Variants in DCAF6 observed in about 807,000 individuals in gnomAD.
DCAF6 encodes DDB1- and CUL4-associated factor 6.
A neutral mutation model predicts 125.1 loss-of-function variants in DCAF6; 54 were observed. The observed-to-expected ratio is 0.43, with a 90% CI of 0.35 to 0.54. The LOEUF (loss-of-function observed/expected upper bound fraction) is 0.54, where lower values mean the gene tolerates loss of function less well. DCAF6 is among the 20% of genes least tolerant of loss of function. The probability of loss-of-function intolerance (pLI) is 0.01; values close to 1 mark genes in which losing one functional copy is unlikely to be tolerated. For missense variants in DCAF6, 934 were observed against 1,161.7 expected, an observed-to-expected ratio of 0.80 and a Z score of 2.85; for synonymous variants, 371 against 390.4, an observed-to-expected ratio of 0.95 and a Z score of 0.58.
At chr1:168,063,537 A>G (rs375591797) in intron 17 of DCAF6, 84 bp from the exon 18 acceptor site, 1 of 1,197,272 alleles carries the variant, frequency 8.4e-7, no homozygotes. Flanking sequence ...TATTTCCTAG[A>G]CTTACTATAT....
the DCAF6 span, among the ~76,000 whole-genome samples, chr1:167,871,413 G>C: frequency 6.6e-6 from 1 of 152,138 alleles, no homozygotes; most frequent in Non-Finnish European, 1.5e-5. Context: ...AGAAAATATG[G>C]AAAACTTGGA....
intron 4 of DCAF6, among the ~76,000 whole-genome samples, chr1:167,985,487 T>C (rs1430275711): frequency 6.6e-6 from 1 of 152,092 alleles, no homozygotes; most frequent in Admixed American, 6.6e-5. Context: ...CATCATCTTG[T>C]CTCCTTCTCT....
chr1:167,908,128 T>A, the DCAF6 span, among the ~76,000 whole-genome samples: 1 of 152,198 alleles, frequency 6.6e-6, no homozygotes, highest in Admixed American at 6.5e-5. Context: ...CTATTCACAA[T>A]AGCCAAGATA....
At chr1:167,892,430 T>C in the DCAF6 span, among the ~76,000 whole-genome samples, 1 of 152,214 alleles carries the variant, frequency 6.6e-6, no homozygotes, top group Non-Finnish European at 1.5e-5. Context: ...TTTGGTCTTA[T>C]TTTCAACCCT....
chr1:167,941,742 T>A (rs183014536), intron 1 of DCAF6, among the ~76,000 whole-genome samples: 2,087 of 152,038 alleles, frequency 0.014, 51 homozygotes, highest in African/African-American at 0.046. Flanking sequence ...ATTAAAAAAA[T>A]TTTTTTTTAA....
chr1:167,891,119 G>A, the DCAF6 span, among the ~76,000 whole-genome samples: 38 of 151,940 alleles, frequency 2.5e-4, no homozygotes, highest in African/African-American at 9.2e-4. Context: ...GTGCCACCGC[G>A]CCTGGCTAAT....
At chr1:168,030,852 T>C (rs114192610) in intron 12 of DCAF6, among the ~76,000 whole-genome samples, 1,538 of 152,338 alleles carry the variant, frequency 0.01, 14 homozygotes, top group Admixed American at 0.017. Context: ...TGTTGGAGAT[T>C]AACAGGTGAC....
chr1:167,971,547 T>C (rs138116371), intron 3 of DCAF6, among the ~76,000 whole-genome samples: 4 of 152,202 alleles, frequency 2.6e-5, no homozygotes, highest in African/African-American at 9.6e-5. Flanking sequence ...ACTTTTGGAC[T>C]GAGCTTCAAG....
the DCAF6 span, chr1:167,918,154 G>C: frequency 1.8e-6 from 1 of 548,674 alleles, no homozygotes; most frequent in Non-Finnish European, 3.2e-6. Context: ...GTCATGTAGA[G>C]AGACTGTTAT....
chr1:167,947,413 G>T (rs764327740), intron 1 of DCAF6, among the ~76,000 whole-genome samples: 1 of 148,908 alleles, frequency 6.7e-6, no homozygotes, highest in Non-Finnish European at 1.5e-5. Flanking sequence ...TGCTAGTTTT[G>T]GGTTTGGTTT....
chr1:167,894,128 T>G, the DCAF6 span, among the ~76,000 whole-genome samples: 1 of 152,016 alleles, frequency 6.6e-6, no homozygotes, highest in Non-Finnish European at 1.5e-5. Flanking sequence ...CTCTTAGAGG[T>G]TAAAGGTTTC....
chr1:167,992,284 A>AC (rs1557943229), intron 6 of DCAF6, among the ~76,000 whole-genome samples: 7 of 82,062 alleles, frequency 8.5e-5, no homozygotes, highest in Non-Finnish European at 1.9e-4. Flanking sequence ...CACACACACA[A>AC]ACACCGAATG....
intron 10 of DCAF6, among the ~76,000 whole-genome samples, chr1:168,010,773 CAGTA>C (rs1343319397): frequency 1.3e-5 from 2 of 151,956 alleles, no homozygotes; most frequent in African/African-American, 2.4e-5. Context: ...ATTTTCTTCT[CAGTA>C]AGGCCTATCA....
rs572785750 is a variant in DCAF6, at chr1:167,937,433, T to G, written c.97+425T>G. Among the ~76,000 whole-genome samples the G allele has an allele frequency of 3.4e-4, 52 of 152,040 alleles. 1 individual carries two copies. The South Asian group carries it at 0.01, about 30-fold the overall frequency. ...ACCCTCTCCTTCAATCTCCAGAGGGTTTAGGTGTCGGCTGCGACGCGTTGA... is the reference window on the plus strand; with the variant it reads ...ACCCTCTCCTTCAATCTCCAGAGGGGTTAGGTGTCGGCTGCGACGCGTTGA... On this transcript the variant is annotated intron_variant, in intron 1 of 21. Coordinates refer to ENST00000367840, the MANE Select transcript of DCAF6 (RefSeq NM_001198956.2).
the DCAF6 span, among the ~76,000 whole-genome samples, chr1:167,914,914 G>A: frequency 6.6e-6 from 1 of 152,206 alleles, no homozygotes; most frequent in Non-Finnish European, 1.5e-5. Context: ...GAAAACAAGA[G>A]GGTCATTTAA....
chr1:168,075,591 T>C lies in DCAF6; in HGVS notation c.*156T>C. ...ACCTAACATTGGTTTGGAATGATTGTGTGCATGAATTTGGGAGATTGTATA... is the reference window on the plus strand; with the variant it reads ...ACCTAACATTGGTTTGGAATGATTGCGTGCATGAATTTGGGAGATTGTATA... On this transcript the variant is annotated 3_prime_UTR_variant, in exon 22 of 22. Coordinates refer to ENST00000367840, the MANE Select transcript of DCAF6 (RefSeq NM_001198956.2). 1 of 603,194 alleles carries C rather than the reference T, an allele frequency of 1.7e-6. No homozygotes were observed. Among genetic ancestry groups the C allele is most frequent in the Non-Finnish European group, 2.8e-6 (1 of 361,668 alleles). 37.4% of individuals were successfully genotyped at this position (603,194 alleles called of 1,614,324 possible).
intron 1 of DCAF6, among the ~76,000 whole-genome samples, chr1:167,949,532 T>C (rs1358515333): frequency 2.6e-5 from 4 of 152,304 alleles, no homozygotes; most frequent in African/African-American, 4.8e-5. Context: ...TCCTCAGCTG[T>C]GATTAAAACC....
At chr1:167,939,156 T>A (rs987482232) in intron 1 of DCAF6, among the ~76,000 whole-genome samples, 5 of 152,210 alleles carry the variant, frequency 3.3e-5, no homozygotes, top group Admixed American at 2.0e-4. Flanking sequence ...TACACTGTTA[T>A]TCAGCTCTTC....
chr1:167,899,786 T>A, the DCAF6 span, among the ~76,000 whole-genome samples: 1 of 152,226 alleles, frequency 6.6e-6, no homozygotes. Context: ...ATACCTCTTT[T>A]GGGCTCGGGC....
Sources: gnomAD v4.1 joint callset for allele counts (sites outside exome capture counted in the v4.1 genomes callset) on GRCh38, gnomAD v4.1.1 for gene constraint, MANE v1.5 for transcripts, NCBI Gene and HGNC (gene_info 2026-07-23, HGNC 2026-07-21) for gene names.